DHX57: variants seen among roughly 807,000 people sequenced by gnomAD.
DHX57 encodes the protein putative ATP-dependent RNA helicase DHX57.
In DHX57, 105 loss-of-function variants were observed where a neutral mutation model predicts 156.2. The ratio of observed to expected loss-of-function variants is 0.67; its 90% CI spans 0.57 to 0.79. The LOEUF (loss-of-function observed/expected upper bound fraction) is 0.79. Among genes scored for constraint, DHX57 ranks in the 30% least tolerant of loss-of-function variants. The pLI is 0.00. For synonymous variants in DHX57, 704 were observed against 595.6 expected (o/e 1.18, Z -2.65); for missense variants, 1,847 against 1,661.9 (o/e 1.11, Z -1.94).
chr2:38,830,675 C>G (rs575656528), intron 13 of DHX57, among the ~76,000 whole-genome samples: 11 of 151,892 alleles, frequency 7.2e-5, no homozygotes, highest in African/African-American at 2.4e-4. Context: ...ACTAGTGACT[C>G]AGTAACTTCA....
intron 9 of DHX57, among the ~76,000 whole-genome samples, chr2:38,850,737 T>C (rs1271043689): frequency 6.6e-6 from 1 of 152,208 alleles, no homozygotes; most frequent in African/African-American, 2.4e-5. Flanking sequence ...AAGTAATTTA[T>C]GGTATATCCA....
rs974582936 is a variant in DHX57 at position 38,810,743 on chromosome 2, C to T, written c.3681+3078G>A. ...AACTCAGCAAATTTCAAGCCCAGGC[C>T]TTGTTTGATTTTGCGCACTTCCTGT... On this transcript the variant is annotated intron_variant, in intron 21 of 23. Coordinates refer to ENST00000457308, the MANE Select transcript of DHX57 (RefSeq NM_198963.3). The T allele has an allele frequency of 1.1e-5, 9 of 826,032 alleles. No homozygotes were observed. The African/African-American group carries it at 1.5e-4, about 14-fold the overall frequency. 51.2% of individuals were successfully genotyped at this position (826,032 alleles called of 1,614,324 possible).
At position 38,875,841 on chromosome 2, in the gene DHX57, C is replaced by A; in HGVS notation, c.-61G>T. On this transcript the variant is annotated 5_prime_UTR_variant, in exon 1 of 24. Coordinates refer to ENST00000457308, the MANE Select transcript of DHX57 (RefSeq NM_198963.3). ...CTGTCGGGAGGTGCTGCCCAAGGGT[C>A]AGAGGTCCAAACTGGACTTGGCCAC... 2.5e-6 allele frequency: 1 copy of A among 393,564 alleles called. No individual in the cohort carries two copies. The highest frequency in any genetic ancestry group is 3.6e-5 in the East Asian group (1 of 27,732). The allele number at this position is 393,564 out of a possible 1,614,324, so 24.4% of individuals were successfully genotyped here. A position where few individuals can be genotyped will look rare whatever the true frequency, so the allele number is the denominator to read the frequency against.
rs746278471 is a variant in DHX57, at chr2:38,863,315, G to T, written c.383+46C>A. On this transcript the variant is annotated intron_variant, in intron 3 of 23. Transcript: ENST00000457308. ...GATGCACAGGACCTTCACACTGCCA[G>T]TATGTTTTCCTTAATATAATAATTG... 13 of 1,573,020 alleles carry T rather than the reference G, an allele frequency of 8.3e-6. No individual in the cohort carries two copies. The African/African-American group carries it at 1.6e-4, about 20-fold the overall frequency.
At chr2:38,817,396 C>A (rs1572634485) in intron 19 of DHX57, among the ~76,000 whole-genome samples, 1 of 152,048 alleles carries the variant, frequency 6.6e-6, no homozygotes, top group South Asian at 2.1e-4. Flanking sequence ...CTCACTGAAA[C>A]CTTCATCTCC....
intron 17 of DHX57, among the ~76,000 whole-genome samples, chr2:38,821,518 AC>A (rs1463816919): frequency 9.2e-5 from 14 of 152,182 alleles, no homozygotes; most frequent in Admixed American, 3.9e-4. Context: ...ACATGGTGAA[AC>A]CCCGTCTCTA....
At chr2:38,869,936 CAATT>C (rs1394129772) in intron 1 of DHX57, among the ~76,000 whole-genome samples, 2 of 151,672 alleles carry the variant, frequency 1.3e-5, no homozygotes, top group African/African-American at 2.4e-5. Flanking sequence ...AAGGAATGCA[CAATT>C]AAAGCAGTAA....
chr2:38,802,591 G>T, intron 23 of DHX57, 124 bp downstream of exon 23: 4 of 1,234,768 alleles, frequency 3.2e-6, no homozygotes, highest in Non-Finnish European at 4.5e-6. Flanking sequence ...CTCGGCCACC[G>T]TCATTCATTT....
intron 12 of DHX57, among the ~76,000 whole-genome samples, chr2:38,838,611 T>C (rs545607951): frequency 6.6e-6 from 1 of 152,330 alleles, no homozygotes; most frequent in African/African-American, 2.4e-5. Context: ...TAGAAACTTC[T>C]TCTAGATTCA....
At chr2:38,819,574 TG>T (rs1458697999) in intron 17 of DHX57, among the ~76,000 whole-genome samples, 1 of 152,156 alleles carries the variant, frequency 6.6e-6, no homozygotes, top group Non-Finnish European at 1.5e-5. Context: ...GTGTAATCAG[TG>T]GGTCAGCTAA....
At chr2:38,867,112 T>G (rs1234345335) in intron 2 of DHX57, 1 of 152,220 alleles carries the variant, frequency 6.6e-6, no homozygotes, top group East Asian at 1.9e-4. Flanking sequence ...TACTTACCAT[T>G]GTGTTATAAT....
At chr2:38,819,959 T>C (rs1161660406) in intron 17 of DHX57, among the ~76,000 whole-genome samples, 2 of 152,216 alleles carry the variant, frequency 1.3e-5, no homozygotes, top group African/African-American at 4.8e-5. Flanking sequence ...TTCACCACTT[T>C]ACACATACCG....
intron 1 of DHX57, among the ~76,000 whole-genome samples, chr2:38,873,546 C>A (rs942914611): frequency 1.3e-5 from 2 of 152,164 alleles, no homozygotes; most frequent in Non-Finnish European, 2.9e-5. Flanking sequence ...ATTTTGATTA[C>A]CACTGTACCC....
At chr2:38,827,991 G>T (rs1422542463) in intron 14 of DHX57, among the ~76,000 whole-genome samples, 5 of 152,006 alleles carry the variant, frequency 3.3e-5, no homozygotes, top group Non-Finnish European at 7.4e-5. Context: ...TGAGTAGCTG[G>T]GTTTATAGGT....
intron 7 of DHX57, 76 bp from the exon 8 acceptor site, chr2:38,855,328 G>A (rs766190675): frequency 2.3e-4 from 331 of 1,424,600 alleles, no homozygotes; most frequent in Non-Finnish European, 3.2e-4. Flanking sequence ...CATATGGAAT[G>A]AGAAAAGTGA....
At chr2:38,816,313 C>G in intron 19 of DHX57, 1 of 446,686 alleles carries the variant, frequency 2.2e-6, no homozygotes, top group South Asian at 1.6e-5. Flanking sequence ...CTCCTGGGTT[C>G]AAGTGATTCT....
rs964816081 is a variant in DHX57 at position 38,843,096 on chromosome 2, C to A, written c.2334G>T (p.Arg778Ser). The stretch of plus-strand genomic sequence containing the variant: ...CCTGATCCTGGAGGTGAAGGGAGAG[C>A]CTTAGGTCTTCTTCCACTTCTTCAA... ...TAFEEVEEDL[R>S]LSLHLQDQDS... The change falls in exon 12 of 24, where the codon AGG becomes AGT. Residue 778 changes from arginine (R) to serine (S), a missense_variant. Transcript: ENST00000457308. 18 of 1,614,044 alleles carry A rather than the reference C, an allele frequency of 1.1e-5. No individual in the cohort carries two copies. Among genetic ancestry groups the A allele is most frequent in the Admixed American group, 6.7e-5 (4 of 59,996 alleles).
At chr2:38,801,494 C>T (rs969466570) in intron 23 of DHX57, among the ~76,000 whole-genome samples, 4 of 152,234 alleles carry the variant, frequency 2.6e-5, no homozygotes, top group African/African-American at 9.6e-5. Context: ...ACTGCAACCT[C>T]TGCCTCCTGG....
At chr2:38,873,646 G>A (rs1173458277) in intron 1 of DHX57, among the ~76,000 whole-genome samples, 2 of 152,156 alleles carry the variant, frequency 1.3e-5, no homozygotes, top group Non-Finnish European at 2.9e-5. Context: ...TGTGGGAATG[G>A]AGATTTGTTC....
Sources: allele counts gnomAD v4.1 joint callset (sites outside exome capture counted in the v4.1 genomes callset), GRCh38; gene constraint gnomAD v4.1.1; transcripts MANE v1.5; gene names NCBI Gene and HGNC (gene_info 2026-07-23, HGNC 2026-07-21).